Variants in DHRSX observed in about 807,000 individuals in gnomAD.
DHRSX encodes the protein dehydrogenase/reductase X-linked.
DHRSX carries 31 observed loss-of-function variants against 34.0 expected under a neutral mutation model. That is an observed-to-expected ratio of 0.91 (90% CI 0.69 to 1.23). The LOEUF (loss-of-function observed/expected upper bound fraction) is 1.23, where lower values mean the gene tolerates loss of function less well. DHRSX is among the 50% of genes most tolerant of loss of function. The pLI is 0.00. For missense variants in DHRSX, 414 were observed against 428.1 expected, an observed-to-expected ratio of 0.97 and a Z score of 0.29; for synonymous variants, 201 against 183.8, an observed-to-expected ratio of 1.09 and a Z score of -0.76.
At position 2,235,755 on chromosome X, in the gene DHRSX, A is replaced by G. The variant is rs1001216370; in HGVS notation, c.804+7268T>C. Reference sequence around the variant, plus strand: ...ATCTCAGGGGAAAAAAAAAAAAAAAAGGGAACAAAAAAAGAAATCCGCACC... The same window carrying G: ...ATCTCAGGGGAAAAAAAAAAAAAAAGGGGAACAAAAAAAGAAATCCGCACC... On this transcript the variant is annotated intron_variant, in intron 6 of 6. Coordinates refer to ENST00000334651, the MANE Select transcript of DHRSX (RefSeq NM_145177.3). Among the ~76,000 whole-genome samples, 9 of 123,284 alleles carry G rather than the reference A, an allele frequency of 7.3e-5. No individual in the cohort carries two copies. In the East Asian group the frequency reaches 7.7e-4, roughly 11 times the overall value. The allele number at this position is 123,284 out of a possible 152,430, so 80.9% of individuals were successfully genotyped here.
chrX:2,455,288 G>A (rs979395219), intron 1 of DHRSX, among the ~76,000 whole-genome samples: 1 of 151,892 alleles, frequency 6.6e-6, no homozygotes, highest in Non-Finnish European at 1.5e-5. Context: ...TCCGGGGCCT[G>A]CTGGAAGGTG....
intron 3 of DHRSX, among the ~76,000 whole-genome samples, chrX:2,340,950 C>T (rs1353982967): frequency 1.3e-5 from 2 of 152,014 alleles, no homozygotes; most frequent in African/African-American, 4.8e-5. Flanking sequence ...ACGAATATTG[C>T]CTGCATTGCG....
chrX:2,339,013 G>A (rs975158025), intron 3 of DHRSX, among the ~76,000 whole-genome samples: 9 of 151,840 alleles, frequency 5.9e-5, no homozygotes, highest in Non-Finnish European at 1.0e-4. Flanking sequence ...TATAATTTCC[G>A]CAACGAGATG....
intron 3 of DHRSX, among the ~76,000 whole-genome samples, chrX:2,349,779 C>T (rs34298024): frequency 0.36 from 55,146 of 151,808 alleles, 11,791 homozygotes; most frequent in African/African-American, 0.59. Flanking sequence ...AGGTGGCTCA[C>T]GCCTGTAATT....
chrX:2,283,494 G>A (rs902584944), intron 4 of DHRSX, among the ~76,000 whole-genome samples: 1 of 152,136 alleles, frequency 6.6e-6, no homozygotes, highest in African/African-American at 2.4e-5. Context: ...CTTCCCGGGA[G>A]GGAGACCAGA....
At chrX:2,310,584 G>A (rs1162373452) in intron 3 of DHRSX, among the ~76,000 whole-genome samples, 1 of 151,476 alleles carries the variant, frequency 6.6e-6, no homozygotes, top group Non-Finnish European at 1.5e-5. Context: ...GAGAGGGAGA[G>A]AGAGAGAAAA....
intron 1 of DHRSX, among the ~76,000 whole-genome samples, chrX:2,450,619 G>A (rs1391772588): frequency 6.6e-5 from 10 of 151,746 alleles, no homozygotes; most frequent in Non-Finnish European, 1.5e-4. Flanking sequence ...ATATTTTACC[G>A]TGACCAAGAT....
rs748773359 is a variant in DHRSX at position 2,458,328 on chromosome X, G to A, written c.110-33024C>T. Reference sequence around the variant, plus strand: ...TTGTGCAGGATCCAGTCATCCCACCGCTCGGTGTGTACCCAAAGGAAAGGA... The same window carrying A: ...TTGTGCAGGATCCAGTCATCCCACCACTCGGTGTGTACCCAAAGGAAAGGA... On this transcript the variant is annotated intron_variant, in intron 1 of 6. Transcript: ENST00000334651. Among the ~76,000 whole-genome samples, 17 of 152,218 alleles carry A rather than the reference G, an allele frequency of 1.1e-4. No individual in the cohort carries two copies. The South Asian group carries it at 1.2e-3, about 11-fold the overall frequency.
chrX:2,275,279 C>T (rs1439953194), intron 4 of DHRSX, among the ~76,000 whole-genome samples: 1 of 150,384 alleles, frequency 6.6e-6, no homozygotes, highest in African/African-American at 2.4e-5. Flanking sequence ...AGGCGGATGA[C>T]CTGAGGTCAG....
chrX:2,452,178 G>A (rs1274211832), intron 1 of DHRSX, among the ~76,000 whole-genome samples: 3 of 151,766 alleles, frequency 2.0e-5, no homozygotes, highest in Non-Finnish European at 2.9e-5. Flanking sequence ...TGTGGCTAAG[G>A]GACCGCCGCC....
chrX:2,249,584 C>T (rs1473767230), intron 5 of DHRSX, among the ~76,000 whole-genome samples: 3 of 123,912 alleles, frequency 2.4e-5, no homozygotes, highest in East Asian at 5.2e-4. Context: ...AGTGCGGTGG[C>T]GCAATCTCAG....
chrX:2,348,186 A>C (rs1192299960), intron 3 of DHRSX, among the ~76,000 whole-genome samples: 1 of 152,206 alleles, frequency 6.6e-6, no homozygotes, highest in Non-Finnish European at 1.5e-5. Context: ...AGCTCGGGTA[A>C]GAGACTAAAG....
At chrX:2,408,993 C>A (rs147102148) in intron 2 of DHRSX, among the ~76,000 whole-genome samples, 180 bp from the exon 3 acceptor site, 3 of 152,256 alleles carry the variant, frequency 2.0e-5, no homozygotes, top group African/African-American at 4.8e-5. Flanking sequence ...TAAAGCTATC[C>A]ATTTAAGAGT....
At chrX:2,298,033 G>A (rs955715711) in intron 3 of DHRSX, among the ~76,000 whole-genome samples, 1 of 152,206 alleles carries the variant, frequency 6.6e-6, no homozygotes, top group African/African-American at 2.4e-5. Flanking sequence ...TGGGATGACA[G>A]GCATGAGCTA....
At chrX:2,434,888 TCTTAGCAACAA>T (rs1340759336) in intron 1 of DHRSX, among the ~76,000 whole-genome samples, 2 of 152,154 alleles carry the variant, frequency 1.3e-5, no homozygotes, top group Non-Finnish European at 2.9e-5. Flanking sequence ...ATCTTATTGT[TCTTAGCAACAA>T]CTTGGATGGC....
chrX:2,373,727 C>G (rs1035643028), intron 3 of DHRSX, among the ~76,000 whole-genome samples: 2 of 151,890 alleles, frequency 1.3e-5, no homozygotes, highest in African/African-American at 4.8e-5. Context: ...GCGTACCTGA[C>G]GCGGTGTGGA....
intron 1 of DHRSX, among the ~76,000 whole-genome samples, chrX:2,494,572 A>G (rs5983127): frequency 0.2 from 30,957 of 151,770 alleles, 3,637 homozygotes; most frequent in Admixed American, 0.36. Flanking sequence ...ATATTTTATT[A>G]TTATTATTTA....
intron 1 of DHRSX, among the ~76,000 whole-genome samples, chrX:2,495,383 G>C (rs1424426524): frequency 4.0e-5 from 6 of 151,850 alleles, no homozygotes; most frequent in Non-Finnish European, 7.4e-5. Context: ...TTATTATTTA[G>C]GTGAACAAAG....
At chrX:2,440,735 G>A (rs1029383221) in intron 1 of DHRSX, among the ~76,000 whole-genome samples, 13 of 152,052 alleles carry the variant, frequency 8.5e-5, no homozygotes, top group Non-Finnish European at 1.9e-4. Context: ...ACTGAAGGCC[G>A]CACTCTCAGC....
Sources: allele counts gnomAD v4.1 joint callset (sites outside exome capture counted in the v4.1 genomes callset), GRCh38; gene constraint gnomAD v4.1.1; transcripts MANE v1.5; gene names NCBI Gene and HGNC (gene_info 2026-07-23, HGNC 2026-07-21).